KIF26A: variants seen among roughly 807,000 people sequenced by gnomAD.
KIF26A encodes kinesin family member 26A.
Under a neutral mutation model 126.0 loss-of-function variants are expected in KIF26A, and 74 were observed. The ratio of observed to expected loss-of-function variants is 0.59; its 90% CI spans 0.49 to 0.71. KIF26A has a LOEUF of 0.71. Among genes scored for constraint, KIF26A ranks in the 30% least tolerant of loss-of-function variants. The pLI, the probability that KIF26A is intolerant of heterozygous loss-of-function variation, is 0.00. For synonymous variants in KIF26A, 1,445 were observed against 1,232.7 expected, an observed-to-expected ratio of 1.17 and a Z score of -3.61; for missense variants, 2,984 against 2,763.3, an observed-to-expected ratio of 1.08 and a Z score of -1.79.
chr14:104,156,543 C>T (rs559789440), intron 3 of KIF26A, among the ~76,000 whole-genome samples: 63 of 152,304 alleles, frequency 4.1e-4, no homozygotes, highest in Admixed American at 9.8e-4. Context: ...AACTTCCTTT[C>T]GCAGACATGG....
chr14:104,165,920 A>G lies in KIF26A; in HGVS notation c.924-939A>G, dbSNP rs115958513. On this transcript the variant is annotated intron_variant, in intron 4 of 14. Coordinates refer to ENST00000423312, the MANE Select transcript of KIF26A (RefSeq NM_015656.2). ...CCACCCCAGTGGCTCCCAAGCATGC[A>G]CTGGCCTCCCCTGGAGGGTGTGTTA... is the stretch of plus-strand genomic sequence containing the variant. Among the ~76,000 whole-genome samples, 728 of 152,068 alleles carry G rather than the reference A, an allele frequency of 4.8e-3. 5 individuals are homozygous for G. The highest frequency in any genetic ancestry group is 0.016 in the African/African-American group (677 of 41,456).
In KIF26A at chr14:104,152,189, C is replaced by T. The variant is rs2037735794; in HGVS notation, c.463C>T (p.Pro155Ser). 1 of 1,607,080 alleles carries T rather than the reference C, an allele frequency of 6.2e-7. No individual in the cohort carries two copies. Among genetic ancestry groups the T allele is most frequent in the South Asian group, 1.1e-5 (1 of 90,212 alleles). Residue 155 changes from proline to serine, a missense_variant, in exon 3 of 15, where the codon CCC (proline) becomes TCC (serine). By Grantham distance (74) the Pro-to-Ser change is moderately conservative. Transcript: ENST00000423312. The surrounding 1 kb of genome is among the most constrained non-coding windows in gnomAD (Gnocchi z 5.9). ...TGCCAGCCATGAGGACCTTGACGCC[C>T]CCCATGGAGGCCCCAGCCTCGCACC... The part of the protein sequence containing the change: ...APASHEDLDA[P>S]HGGPSLAPPS...
In KIF26A at chr14:104,168,850, T is replaced by TGGGGTGAGGCG. The variant is rs1424283313; in HGVS notation, c.1113+1809_1113+1819dup. On this transcript the variant is annotated intron_variant, in intron 5 of 14. Coordinates refer to ENST00000423312, the MANE Select transcript of KIF26A (RefSeq NM_015656.2). ...CTGGGGTTGGGGCAAGGCCCCTGCCTGGGGTGAGGCGGGGGTGGTGGGTGA... is the reference window on the plus strand; with the variant it reads ...CTGGGGTTGGGGCAAGGCCCCTGCCTGGGGTGAGGCGGGGGTGAGGCGGGGGTGGTGGGTGA... Among the ~76,000 whole-genome samples, 6 of 139,252 alleles carry TGGGGTGAGGCG rather than the reference T, an allele frequency of 4.3e-5. No individual in the cohort carries two copies. In the South Asian group the frequency reaches 1.3e-3, roughly 31 times the overall value. 91.4% of individuals were successfully genotyped at this position (139,252 alleles called of 152,430 possible).
chr14:104,140,777 CT>C (rs2037630296), intron 2 of KIF26A, among the ~76,000 whole-genome samples: 1 of 152,202 alleles, frequency 6.6e-6, no homozygotes, highest in Admixed American at 6.5e-5. Flanking sequence ...TGAGCTTGGC[CT>C]TTGACACTGG....
chr14:104,172,914 C>T lies in KIF26A; in HGVS notation c.1421-63C>T, dbSNP rs2037974220. On this transcript the variant is annotated intron_variant, in intron 7 of 14. Transcript: ENST00000423312. ...TGCCCCTGGTTGGCCCCCGGGGACG[C>T]CAGTAGCCATAAAGGCTCCTTGCGT... 2.7e-6 allele frequency: 4 copies of T among 1,483,500 alleles called. No homozygotes were observed. In the African/African-American group the frequency reaches 4.2e-5, roughly 16 times the overall value. 91.9% of individuals were successfully genotyped at this position (1,483,500 alleles called of 1,614,324 possible).
chr14:104,154,073 C>T (rs563038903), intron 3 of KIF26A, among the ~76,000 whole-genome samples: 3 of 152,338 alleles, frequency 2.0e-5, no homozygotes, highest in Admixed American at 6.5e-5. Context: ...GAGGTAATTT[C>T]CCCTGAACCA....
Position 104,175,081 on chromosome 14 carries a change from G to T in KIF26A, c.2293G>T (p.Asp765Tyr). 6.3e-7 allele frequency: 1 copy of T among 1,595,344 alleles called. No individual in the cohort carries two copies. The change falls in exon 12 of 15, where the codon GAC becomes TAC. Residue 765 changes from aspartate to tyrosine, a missense_variant. By Grantham distance (160) the Asp-to-Tyr change is radical (BLOSUM62 -3). Transcript: ENST00000423312. ...CTTCCACCCACGCACTGTGGCCCTGGACCCCGACCGCACGCCTCCCTGCCT... is the reference window on the plus strand; with the variant it reads ...CTTCCACCCACGCACTGTGGCCCTGTACCCCGACCGCACGCCTCCCTGCCT... ...RPFHPRTVALDPDRTPPCLPG... is the reference protein window; with the variant it reads ...RPFHPRTVALYPDRTPPCLPG...
At position 104,148,155 on chromosome 14, in the gene KIF26A, C is replaced by T. The variant is rs2037696461; in HGVS notation, c.289-3860C>T. On this transcript the variant is annotated intron_variant, in intron 2 of 14. Transcript: ENST00000423312. The surrounding 1 kb of genome is among the most constrained non-coding windows in gnomAD (Gnocchi z 4.3). Reference sequence around the variant, plus strand: ...GTCCCCGGTAAAGTCCCCCGGGCCTCACACGCAGGAGAAAATGGAAGGATT... The same window carrying T: ...GTCCCCGGTAAAGTCCCCCGGGCCTTACACGCAGGAGAAAATGGAAGGATT... Among the ~76,000 whole-genome samples the T allele has an allele frequency of 6.6e-6, 1 of 152,140 alleles. No individual in the cohort carries two copies. The highest frequency in any genetic ancestry group is 1.5e-5 in the Non-Finnish European group (1 of 68,034).
At chr14:104,174,459 G>A (rs2037994881) in intron 11 of KIF26A, 149 bp downstream of exon 11, 4 of 847,300 alleles carry the variant, frequency 4.7e-6, no homozygotes, top group Non-Finnish European at 5.1e-6. Context: ...ATGAGGCTAT[G>A]CCCATGTGGC....
chr14:104,152,419 G>A lies in KIF26A; in HGVS notation c.693G>A (p.Trp231Ter). The change falls in exon 3 of 15, where the codon TGG becomes TGA. Residue 231 changes from tryptophan (W) to a stop codon, truncating the protein, a stop_gained. Transcript: ENST00000423312. LOFTEE classifies it high-confidence loss of function. The surrounding 1 kb of genome is among the most constrained non-coding windows in gnomAD (Gnocchi z 5.9). ...IQAQQCLEGM[W>*]SVSRVNSFLP... is the part of the protein sequence containing the mutation. ...CCCAGCAGTGCCTGGAGGGCATGTG[G>A]AGTGTCTCGCGGGTCAACAGCTTCC... 1 of 1,597,206 alleles carries A rather than the reference G, an allele frequency of 6.3e-7. No individual in the cohort carries two copies. The highest frequency in any genetic ancestry group is 1.1e-5 in the South Asian group (1 of 88,078).
rs555804254 is a variant in KIF26A at position 104,138,747 on chromosome 14, T to G, written c.25T>G (p.Cys9Gly). ...CATGGTCGGCCGCGGCGTCCCTCTG[T>G]GCGCTGCGCAGCCCGCGGTACGCGC... MVGRGVPL[C>G]AAQPAVAEGG... The change falls in exon 1 of 15, where the codon TGC (cysteine) becomes GGC (glycine). Residue 9 changes from cysteine to glycine, a missense_variant. By Grantham distance (159) the Cys-to-Gly change is radical. Coordinates refer to ENST00000423312, the MANE Select transcript of KIF26A (RefSeq NM_015656.2). The G allele has an allele frequency of 7.9e-6, 10 of 1,263,272 alleles. No individual in the cohort carries two copies. Among genetic ancestry groups the G allele is most frequent in the Non-Finnish European group, 9.9e-6 (10 of 1,006,928 alleles). The allele number at this position is 1,263,272 out of a possible 1,614,324, so 78.3% of individuals were successfully genotyped here. A position where few individuals can be genotyped will look rare whatever the true frequency, so the allele number is the denominator to read the frequency against.
rs746889360 is a variant in KIF26A at position 104,178,693 on chromosome 14, G to C, written c.5254G>C (p.Glu1752Gln). ...GGAGCCGTTCGAGATCAAGGTGTAC[G>C]AGATCGATGACGTGGAGCGCCTTCA... ...LKEPFEIKVY[E>Q]IDDVERLQRP... Residue 1752 changes from glutamate (E) to glutamine (Q), a missense_variant, in exon 13 of 15, where the codon GAG becomes CAG. Physicochemically the swap from Glu to Gln is conservative, Grantham distance 29 (BLOSUM62 2). Coordinates refer to ENST00000423312, the MANE Select transcript of KIF26A (RefSeq NM_015656.2). 10 of 1,563,760 alleles carry C rather than the reference G, an allele frequency of 6.4e-6. No homozygotes were observed. The highest frequency in any genetic ancestry group is 2.4e-5 in the East Asian group (1 of 41,982).
chr14:104,177,094 G>A lies in KIF26A; in HGVS notation c.4306G>A (p.Ala1436Thr), dbSNP rs182750048. ...VEAAHRLAGH[A>T]SLERYEGLAH... ...AGCAGCACACCGTCTTGCCGGACAC[G>A]CGTCTCTGGAGCGGTACGAAGGCCT... Residue 1436 changes from alanine to threonine, a missense_variant, in exon 12 of 15, where the codon GCG becomes ACG. Physicochemically the swap from Ala to Thr is moderately conservative, Grantham distance 58. Transcript: ENST00000423312. 14 of 1,596,838 alleles carry A rather than the reference G, an allele frequency of 8.8e-6. No homozygotes were observed. Among genetic ancestry groups the A allele is most frequent in the South Asian group, 7.7e-5 (7 of 90,892 alleles).
In KIF26A at chr14:104,175,030, G is replaced by A. The variant is rs760143801; in HGVS notation, c.2242G>A (p.Ala748Thr). ...GGESSCEEGR[A>T]RRPPHLRPFH... is the part of the protein sequence containing the mutation. Reference sequence around the variant, plus strand: ...GGAGAGCTCCTGTGAGGAAGGCCGGGCCCGTCGGCCCCCGCACCTGCGGCC... The same window carrying A: ...GGAGAGCTCCTGTGAGGAAGGCCGGACCCGTCGGCCCCCGCACCTGCGGCC... The change falls in exon 12 of 15, where the codon GCC (alanine) becomes ACC (threonine). Residue 748 changes from alanine to threonine, a missense_variant. Ala to Thr is a moderately conservative substitution (Grantham distance 58). Transcript: ENST00000423312. The A allele has an allele frequency of 6.4e-7, 1 of 1,562,178 alleles. No individual in the cohort carries two copies. The highest frequency in any genetic ancestry group is 1.4e-5 in the African/African-American group (1 of 73,880).
intron 2 of KIF26A, 31 bp downstream of exon 2, chr14:104,139,319 C>G: frequency 7.1e-7 from 1 of 1,408,562 alleles, no homozygotes; most frequent in Non-Finnish European, 9.3e-7. Context: ...CCGACCCCTC[C>G]GAGCAGGGCC....
intron 7 of KIF26A, 74 bp from the exon 8 acceptor site, chr14:104,172,903 C>A: frequency 6.9e-7 from 1 of 1,457,116 alleles, no homozygotes. Flanking sequence ...CCTGGTTGGC[C>A]CCCGGGGACG....
Position 104,171,916 on chromosome 14 carries a change from TC to T in KIF26A, c.1312del (p.Gln438ArgfsTer34). The T allele has an allele frequency of 6.4e-7, 1 of 1,554,410 alleles. No individual in the cohort carries two copies. Among genetic ancestry groups the T allele is most frequent in the Non-Finnish European group, 8.7e-7 (1 of 1,149,978 alleles). Reference sequence around the variant, plus strand: ...AAGATGTTTGCCTTCGATGCCGTCTTCCCCCAGGACTCCGAGCAGGTACGGG... The same window carrying T: ...AAGATGTTTGCCTTCGATGCCGTCTTCCCCAGGACTCCGAGCAGGTACGGG... ...VPKMFAFDAV[F>X]PQDSEQAEVC... On this transcript the variant is annotated frameshift_variant, in exon 6 of 15. Transcript: ENST00000423312. LOFTEE classifies it high-confidence loss of function.
Position 104,157,893 on chromosome 14 carries a change from T to C in KIF26A, c.874T>C (p.Ser292Pro), listed in dbSNP as rs374642766. 11 of 1,570,448 alleles carry C rather than the reference T, an allele frequency of 7.0e-6. No homozygotes were observed. In the South Asian group the frequency reaches 9.2e-5, roughly 13 times the overall value. ...TSALVTPTPG[S>P]VGGSTGPSAA... ...AGCCCTGGTCACCCCCACCCCGGGC[T>C]CGGTGGGGGGCTCCACAGGCCCCTC... The change falls in exon 4 of 15, where the codon TCG becomes CCG. Residue 292 changes from serine to proline, a missense_variant. Coordinates refer to ENST00000423312, the MANE Select transcript of KIF26A (RefSeq NM_015656.2).
chr14:104,157,672 C>CCTGTCT, intron 3 of KIF26A, 83 bp from the exon 4 acceptor site: 1 of 1,441,962 alleles, frequency 6.9e-7, no homozygotes, highest in South Asian at 1.3e-5. Context: ...GGTGCCCAGG[C>CCTGTCT]CTGTCTCTCC....
Sources: gnomAD v4.1 joint callset for allele counts (sites outside exome capture counted in the v4.1 genomes callset) on GRCh38, gnomAD v4.1.1 for gene constraint, Gnocchi (gnomAD v3.1) non-coding constraint, MANE v1.5 for transcripts, NCBI Gene and HGNC (gene_info 2026-07-23, HGNC 2026-07-21) for gene names.